The following CNTNAP2 variants were observed in gnomAD, a reference collection of about 807,000 sequenced individuals.
CNTNAP2 encodes the protein contactin associated protein 2.
A neutral mutation model predicts 155.2 loss-of-function variants in CNTNAP2; 98 were observed. The observed-to-expected ratio is 0.63, with a 90% confidence interval of 0.54 to 0.75. The LOEUF is 0.75. Ranked by LOEUF, CNTNAP2 falls within the 30% of genes least tolerant of loss-of-function variation. CNTNAP2 has a pLI of 0.00. For missense variants in CNTNAP2, 1,727 were observed against 1,688.1 expected, an observed-to-expected ratio of 1.02 and a Z score of -0.40; for synonymous variants, 651 against 631.2, an observed-to-expected ratio of 1.03 and a Z score of -0.47.
rs1389358061 is a variant in CNTNAP2, at chr7:148,331,771, A to G, written c.3476-51878A>G. Among the ~76,000 whole-genome samples the G allele has an allele frequency of 1.9e-3, 251 of 128,740 alleles. 36 individuals carry two copies. The highest frequency in any genetic ancestry group is 6.5e-3 in the African/African-American group (226 of 34,692). 84.5% of individuals were successfully genotyped at this position (128,740 alleles called of 152,430 possible). A position where few individuals can be genotyped will look rare whatever the true frequency, so the allele number is the denominator to read the frequency against. On this transcript the variant is annotated intron_variant, in intron 21 of 23. Coordinates refer to ENST00000361727, the MANE Select transcript of CNTNAP2 (RefSeq NM_014141.6). Reference sequence around the variant, plus strand: ...TGGAACGGACGGATGGATTGGATGGATGGAATGGACAGATGGAGTGGATGG... The same window carrying G: ...TGGAACGGACGGATGGATTGGATGGGTGGAATGGACAGATGGAGTGGATGG...
intron 13 of CNTNAP2, among the ~76,000 whole-genome samples, chr7:147,770,702 A>T (rs1309325186): frequency 6.6e-6 from 1 of 152,212 alleles, no homozygotes; most frequent in Non-Finnish European, 1.5e-5. Context: ...TTAATGAGAG[A>T]TATAAAAGAT....
At chr7:147,648,496 G>A (rs1404374324) in intron 13 of CNTNAP2, among the ~76,000 whole-genome samples, 1 of 152,200 alleles carries the variant, frequency 6.6e-6, no homozygotes, top group African/African-American at 2.4e-5. Context: ...AGACATACCT[G>A]AGACTGGGCA....
intron 21 of CNTNAP2, among the ~76,000 whole-genome samples, chr7:148,274,228 A>G (rs1796831562): frequency 6.6e-6 from 1 of 151,894 alleles, no homozygotes; most frequent in African/African-American, 2.4e-5. Context: ...TTGACTTGTG[A>G]TGAACATATA....
Position 148,223,049 on chromosome 7 carries a change from C to T in CNTNAP2, c.3247+5525C>T, listed in dbSNP as rs73744789. On this transcript the variant is annotated intron_variant, in intron 19 of 23. Coordinates refer to ENST00000361727, the MANE Select transcript of CNTNAP2 (RefSeq NM_014141.6). ...TCCACGGATTCAATCTACATTCTAA[C>T]GCATATTCAGCAACCCCTACTCTTC... 1.8e-3 allele frequency among the ~76,000 whole-genome samples: 276 copies of T among 152,290 alleles called. 1 individual carries two copies. Among genetic ancestry groups the T allele is most frequent in the African/African-American group, 6.4e-3 (264 of 41,564 alleles).
intron 12 of CNTNAP2, among the ~76,000 whole-genome samples, chr7:147,584,970 C>A (rs1800589356): frequency 6.6e-6 from 1 of 152,066 alleles, no homozygotes; most frequent in Non-Finnish European, 1.5e-5. Flanking sequence ...ATTGGCATGA[C>A]CCTCAGTGAG....
intron 1 of CNTNAP2, among the ~76,000 whole-genome samples, chr7:146,442,746 G>A (rs1419942536): frequency 2.6e-5 from 4 of 152,098 alleles, no homozygotes; most frequent in South Asian, 2.1e-4. Flanking sequence ...GCCCTGTTCC[G>A]TGGATTTAGC....
intron 21 of CNTNAP2, among the ~76,000 whole-genome samples, chr7:148,296,915 G>A (rs1797296282): frequency 6.6e-6 from 1 of 152,206 alleles, no homozygotes; most frequent in African/African-American, 2.4e-5. Flanking sequence ...GAGAACTTCT[G>A]AACTCCTAGG....
intron 13 of CNTNAP2, among the ~76,000 whole-genome samples, chr7:147,849,015 G>C (rs550975153): frequency 6.6e-6 from 1 of 152,188 alleles, no homozygotes; most frequent in Admixed American, 6.5e-5. Flanking sequence ...ACTCTGAAAA[G>C]TATATTAAAT....
At chr7:146,926,364 T>C (rs151107091) in intron 3 of CNTNAP2, among the ~76,000 whole-genome samples, 146 of 152,300 alleles carry the variant, frequency 9.6e-4, no homozygotes, top group African/African-American at 3.2e-3. Flanking sequence ...TAGCTGTCAG[T>C]ACTTTGTGTA....
At chr7:147,832,431 CAA>C (rs1235088323) in intron 13 of CNTNAP2, among the ~76,000 whole-genome samples, 4 of 146,286 alleles carry the variant, frequency 2.7e-5, no homozygotes, top group Non-Finnish European at 6.0e-5. Flanking sequence ...AAACGTGATT[CAA>C]AGAGTCAAAC....
intron 9 of CNTNAP2, among the ~76,000 whole-genome samples, chr7:147,331,078 C>T (rs899178393): frequency 6.6e-6 from 1 of 152,172 alleles, no homozygotes; most frequent in East Asian, 1.9e-4. Context: ...TAATCAGAGC[C>T]TAGGTATATT....
intron 13 of CNTNAP2, among the ~76,000 whole-genome samples, chr7:147,765,223 G>T (rs1156887159): frequency 6.6e-6 from 1 of 152,152 alleles, no homozygotes; most frequent in Non-Finnish European, 1.5e-5. Flanking sequence ...CAGTTCAAAA[G>T]TGCCATTCAT....
chr7:147,182,228 A>AACC (rs1413956377), intron 8 of CNTNAP2, among the ~76,000 whole-genome samples: 1 of 152,094 alleles, frequency 6.6e-6, no homozygotes, highest in Non-Finnish European at 1.5e-5. Flanking sequence ...AACTCTAATT[A>AACC]ACCAGCTTTG....
intron 2 of CNTNAP2, among the ~76,000 whole-genome samples, chr7:146,788,405 A>G (rs1400698075): frequency 1.3e-5 from 2 of 152,364 alleles, no homozygotes; most frequent in East Asian, 3.9e-4. Flanking sequence ...TTCTCGTATT[A>G]TGGTAAGGTC....
Position 146,729,147 on chromosome 7 carries a change from A to G in CNTNAP2, c.98-45124A>G, listed in dbSNP as rs150397302. Reference sequence around the variant, plus strand: ...AGGTGGGCTTCTGATGAGTCTTTCCATTGCTGACTAAGCCCCAGCACAGCA... The same window carrying G: ...AGGTGGGCTTCTGATGAGTCTTTCCGTTGCTGACTAAGCCCCAGCACAGCA... On this transcript the variant is annotated intron_variant, in intron 1 of 23. Transcript: ENST00000361727. Among the ~76,000 whole-genome samples, 455 of 152,316 alleles carry G rather than the reference A, an allele frequency of 3.0e-3. 1 individual carries two copies. Among genetic ancestry groups the G allele is most frequent in the African/African-American group, 0.011 (441 of 41,572 alleles).
At chr7:147,501,558 A>T (rs1584774614) in intron 11 of CNTNAP2, among the ~76,000 whole-genome samples, 1 of 152,308 alleles carries the variant, frequency 6.6e-6, no homozygotes, top group Middle Eastern at 3.4e-3. Context: ...GGTGTACTTC[A>T]AATTTTAGAT....
At chr7:148,097,560 C>T (rs998884023) in intron 15 of CNTNAP2, among the ~76,000 whole-genome samples, 1 of 152,106 alleles carries the variant, frequency 6.6e-6, no homozygotes, top group Non-Finnish European at 1.5e-5. Context: ...TCTTGGCTCA[C>T]TGCAAGCTCT....
intron 11 of CNTNAP2, among the ~76,000 whole-genome samples, chr7:147,545,641 T>C (rs917209784): frequency 9.2e-5 from 14 of 152,186 alleles, no homozygotes; most frequent in Non-Finnish European, 1.8e-4. Context: ...GTGATGTCCA[T>C]GTCCTTCCAC....
chr7:146,275,329 A>C (rs1211178281), intron 1 of CNTNAP2, among the ~76,000 whole-genome samples: 1 of 152,222 alleles, frequency 6.6e-6, no homozygotes, highest in African/African-American at 2.4e-5. Context: ...GACTATAGTG[A>C]CCATGAATAG....
Sources: allele counts gnomAD v4.1 joint callset (sites outside exome capture counted in the v4.1 genomes callset), GRCh38; gene constraint gnomAD v4.1.1; transcripts MANE v1.5; gene names NCBI Gene and HGNC (gene_info 2026-07-23, HGNC 2026-07-21).